CDH3: variants seen among roughly 807,000 people sequenced by gnomAD.
CDH3 encodes cadherin-3.
Under a neutral mutation model 82.0 loss-of-function variants are expected in CDH3, and 54 were observed. The ratio of observed to expected loss-of-function variants is 0.66; its 90% confidence interval spans 0.53 to 0.83. The LOEUF (loss-of-function observed/expected upper bound fraction) is 0.83. CDH3 is among the 40% of genes least tolerant of loss of function. The pLI, the probability that CDH3 is intolerant of heterozygous loss-of-function variation, is 0.00. For missense variants in CDH3, 1,054 were observed against 1,084.6 expected (o/e 0.97, Z 0.40); for synonymous variants, 446 against 437.9 (o/e 1.02, Z -0.23).
downstream of CDH3, among the ~76,000 whole-genome samples, chr16:68,703,423 G>A (rs572119417): frequency 4.6e-5 from 7 of 152,280 alleles, no homozygotes; most frequent in South Asian, 1.4e-3. Context: ...TGAAAGTGTG[G>A]GAGCAGTCAC....
chr16:68,654,713 A>AAATAT (rs113117523), intron 2 of CDH3, among the ~76,000 whole-genome samples: 2 of 91,126 alleles, frequency 2.2e-5, no homozygotes, highest in African/African-American at 8.7e-5. Flanking sequence ...AAAAAAAAAA[A>AAATAT]ATATATATAT....
At chr16:68,656,325 C>G (rs1960410124) in intron 2 of CDH3, among the ~76,000 whole-genome samples, 1 of 152,180 alleles carries the variant, frequency 6.6e-6, no homozygotes, top group South Asian at 2.1e-4. Context: ...CAACTCCCCT[C>G]CCGATTCTCA....
chr16:68,725,128 T>C (rs566159040), intron 2 of CDH3, among the ~76,000 whole-genome samples: 2 of 152,198 alleles, frequency 1.3e-5, no homozygotes, highest in East Asian at 3.9e-4. Context: ...ATCTGAGCAG[T>C]GGGAGGACAC....
chr16:68,695,883 G>T lies in CDH3; in HGVS notation c.2240G>T (p.Arg747Leu), dbSNP rs772291014. The T allele has an allele frequency of 6.8e-6, 11 of 1,614,062 alleles. No homozygotes were observed. The highest frequency in any genetic ancestry group is 9.3e-6 in the Non-Finnish European group (11 of 1,180,038). ...ATCCCGACACCCATGTACCGTCCTC[G>T]GCCAGCCAACCCAGATGAAATCGGC... ...TIIPTPMYRPRPANPDEIGNF... is the reference protein window; with the variant it reads ...TIIPTPMYRPLPANPDEIGNF... The change falls in exon 15 of 16, where the codon CGG becomes CTG. Residue 747 changes from arginine to leucine, a missense_variant. Arg to Leu is a moderately radical substitution (Grantham distance 102). Coordinates refer to ENST00000264012, the MANE Select transcript of CDH3 (RefSeq NM_001793.6).
chr16:68,717,674 G>A (rs918095302), intron 1 of CDH3, among the ~76,000 whole-genome samples: 1 of 152,010 alleles, frequency 6.6e-6, no homozygotes, highest in Non-Finnish European at 1.5e-5. Flanking sequence ...TCGGGAGGCT[G>A]AGGCAGGAGA....
intron 13 of CDH3, among the ~76,000 whole-genome samples, chr16:68,694,115 A>C (rs1018913563): frequency 6.6e-6 from 1 of 151,444 alleles, no homozygotes; most frequent in Non-Finnish European, 1.5e-5. Context: ...ATTTGAGATC[A>C]CGCCACTGCA....
chr16:68,702,211 A>G (rs143427694), downstream of CDH3, among the ~76,000 whole-genome samples: 3 of 152,206 alleles, frequency 2.0e-5, no homozygotes, highest in East Asian at 5.8e-4. Context: ...GCTTTGCATT[A>G]TACCTTTTCA....
chr16:68,659,161 T>C (rs1159773696), intron 2 of CDH3, among the ~76,000 whole-genome samples: 2 of 152,316 alleles, frequency 1.3e-5, no homozygotes, highest in East Asian at 3.9e-4. Flanking sequence ...AGAAGTTAAG[T>C]AACTTGCCCA....
downstream of CDH3, among the ~76,000 whole-genome samples, chr16:68,732,067 A>G (rs1962298660): frequency 1.5e-5 from 2 of 131,742 alleles, no homozygotes; most frequent in Admixed American, 1.6e-4. Context: ...TTTTTTTTGC[A>G]GACTGGAAGG....
At chr16:68,731,019 TCAAAAAAA>T (rs1567467707), downstream of CDH3, among the ~76,000 whole-genome samples, 1 of 4,994 alleles carries the variant, frequency 2.0e-4, no homozygotes, top group African/African-American at 1.2e-3. Flanking sequence ...AAACTCCGTC[TCAAAAAAA>T]AAAAAAAAAA....
chr16:68,687,483 G>A (rs371617415), intron 11 of CDH3, 29 bp from the exon 12 acceptor site: 4 of 1,590,060 alleles, frequency 2.5e-6, no homozygotes, highest in Non-Finnish European at 3.5e-6. Context: ...GGGTCACAGG[G>A]AGCTCATCAT....
At chr16:68,722,887 A>G (rs1241359086) in intron 2 of CDH3, among the ~76,000 whole-genome samples, 2 of 151,888 alleles carry the variant, frequency 1.3e-5, no homozygotes, top group African/African-American at 4.8e-5. Context: ...TCTGCCTCCC[A>G]GGTTCCAGGG....
At position 68,685,320 on chromosome 16, in the gene CDH3, T is replaced by A; in HGVS notation, c.1540T>A (p.Tyr514Asn). ...EDEQFVRNNI[Y>N]EVMVLAMDNG... ...TGAGCAGTTTGTGAGGAACAACATCTATGAAGTCATGGTCTTGGCCATGGA... is the reference window on the plus strand; with the variant it reads ...TGAGCAGTTTGTGAGGAACAACATCAATGAAGTCATGGTCTTGGCCATGGA... The change falls in exon 11 of 16, where the codon TAT (tyrosine) becomes AAT (asparagine). Residue 514 changes from tyrosine (Y) to asparagine (N), a missense_variant. Transcript: ENST00000264012. 6.2e-7 allele frequency: 1 copy of A among 1,614,084 alleles called. No homozygotes were observed. The highest frequency in any genetic ancestry group is 8.5e-7 in the Non-Finnish European group (1 of 1,180,012).
chr16:68,691,709 G>C lies in CDH3; in HGVS notation c.1796-11G>C, dbSNP rs752252704. The C allele has an allele frequency of 4.4e-6, 7 of 1,609,068 alleles. No homozygotes were observed. Among genetic ancestry groups the C allele is most frequent in the Admixed American group, 1.7e-5 (1 of 60,016 alleles). On this transcript the variant is annotated splice_polypyrimidine_tract_variant and intron_variant, in intron 12 of 15. Transcript: ENST00000264012. ...GGTTCCCACAGCTAATCAATGATCT[G>C]TTCACTCCAGGTGACACAGTGGTCT...
chr16:68,660,754 C>G (rs184278854), intron 2 of CDH3, among the ~76,000 whole-genome samples: 2 of 152,032 alleles, frequency 1.3e-5, no homozygotes, highest in African/African-American at 2.4e-5. Context: ...GTCAGGAGAT[C>G]GAGACTATCC....
chr16:68,683,269 T>C (rs1338728361), intron 9 of CDH3, among the ~76,000 whole-genome samples: 1 of 152,226 alleles, frequency 6.6e-6, no homozygotes, highest in Non-Finnish European at 1.5e-5. Context: ...CACTTCGACA[T>C]TGTTAAATGA....
At chr16:68,708,832 G>A (rs909177493) in intron 1 of CDH3, among the ~76,000 whole-genome samples, 2 of 151,922 alleles carry the variant, frequency 1.3e-5, no homozygotes, top group Non-Finnish European at 2.9e-5. Context: ...TAGTAGAGAC[G>A]GGGTTTTACC....
downstream of CDH3, among the ~76,000 whole-genome samples, chr16:68,703,790 T>A (rs1410904770): frequency 6.6e-6 from 1 of 151,176 alleles, no homozygotes; most frequent in Non-Finnish European, 1.5e-5. Context: ...CTACTAAAAA[T>A]TTAAAAATTA....
chr16:68,708,834 G>C (rs1183094382), intron 1 of CDH3, among the ~76,000 whole-genome samples: 1 of 151,900 alleles, frequency 6.6e-6, no homozygotes, highest in Non-Finnish European at 1.5e-5. Context: ...GTAGAGACGG[G>C]GTTTTACCAT....
Sources: allele counts gnomAD v4.1 joint callset (sites outside exome capture counted in the v4.1 genomes callset), GRCh38; gene constraint gnomAD v4.1.1; transcripts MANE v1.5; gene names NCBI Gene and HGNC (gene_info 2026-07-23, HGNC 2026-07-21).